Variants in ANKHD1 observed in about 807,000 individuals in gnomAD.
ANKHD1 encodes ankyrin repeat and KH domain-containing protein 1.
Under a neutral mutation model 230.5 loss-of-function variants are expected in ANKHD1, and 31 were observed. The observed-to-expected ratio is 0.13, with a 90% CI of 0.10 to 0.18. The LOEUF (loss-of-function observed/expected upper bound fraction) is 0.18. ANKHD1 is among the 10% of genes least tolerant of loss of function. ANKHD1 has a pLI of 1.00. For synonymous variants in ANKHD1, 1,074 were observed against 1,117.6 expected (o/e 0.96, Z 0.78); for missense variants, 2,256 against 3,071.3 (o/e 0.73, Z 6.27).
At chr5:140,402,496 G>C (rs1332108357) in intron 1 of ANKHD1, among the ~76,000 whole-genome samples, 1 of 152,188 alleles carries the variant, frequency 6.6e-6, no homozygotes, top group Non-Finnish European at 1.5e-5. Context: ...CCACAATAGG[G>C]AGTCCTTTGG....
At chr5:140,455,295 G>C (rs183493792) in intron 7 of ANKHD1, among the ~76,000 whole-genome samples, 1 of 152,148 alleles carries the variant, frequency 6.6e-6, no homozygotes, top group South Asian at 2.1e-4. Flanking sequence ...ACAAGGAGGA[G>C]TTGGTACCAT....
intron 1 of ANKHD1, among the ~76,000 whole-genome samples, chr5:140,419,820 T>TTC (rs1008194493): frequency 7.3e-5 from 9 of 123,814 alleles, no homozygotes; most frequent in Non-Finnish European, 1.1e-4. Flanking sequence ...CTTTCTTTCT[T>TTC]TCTTTCTTTC....
At chr5:140,407,815 AGAAT>A (rs1472241204) in intron 1 of ANKHD1, among the ~76,000 whole-genome samples, 1 of 152,194 alleles carries the variant, frequency 6.6e-6, no homozygotes, top group Non-Finnish European at 1.5e-5. Context: ...TTTTGTCGTA[AGAAT>A]GAATGTGTGT....
chr5:140,413,318 T>G (rs1016763068), intron 1 of ANKHD1, among the ~76,000 whole-genome samples: 3 of 152,204 alleles, frequency 2.0e-5, no homozygotes, highest in African/African-American at 7.2e-5. Context: ...AATATGTATA[T>G]ATAACATAAA....
At chr5:140,510,318 T>C in intron 22 of ANKHD1, 137 bp downstream of exon 22, 11 of 1,284,138 alleles carry the variant, frequency 8.6e-6, no homozygotes, top group South Asian at 2.0e-5. Flanking sequence ...TCTTTTTTTT[T>C]TTTTTTTTTT....
chr5:140,448,093 G>A (rs976962631), intron 6 of ANKHD1, among the ~76,000 whole-genome samples: 2 of 152,154 alleles, frequency 1.3e-5, no homozygotes, highest in Non-Finnish European at 1.5e-5. Context: ...CTAGCTACTC[G>A]GGCAGCTGAG....
Position 140,526,413 on chromosome 5 carries a change from C to T in ANKHD1, c.4910C>T (p.Thr1637Ile), listed in dbSNP as rs1259183104. 1 of 1,613,268 alleles carries T rather than the reference C, an allele frequency of 6.2e-7. No individual in the cohort carries two copies. The highest frequency in any genetic ancestry group is 8.5e-7 in the Non-Finnish European group (1 of 1,179,652). The change falls in exon 26 of 34, where the codon ACA (threonine) becomes ATA (isoleucine). Residue 1637 changes from threonine (T) to isoleucine (I), a missense_variant. Thr to Ile is a moderately conservative substitution (Grantham distance 89). Coordinates refer to ENST00000360839, the MANE Select transcript of ANKHD1 (RefSeq NM_017747.3). The stretch of plus-strand genomic sequence containing the variant: ...CTCCTTCATTCCCAAGAAGAAAAGA[C>T]AAGTACTGCTACTTCCAAAACTCAG... ...SLLLHSQEEK[T>I]STATSKTQTR...
intron 9 of ANKHD1, among the ~76,000 whole-genome samples, chr5:140,463,709 G>A (rs1346134233): frequency 2.0e-5 from 3 of 152,086 alleles, no homozygotes; most frequent in Admixed American, 1.3e-4. Context: ...AGACTGGAGT[G>A]GAGTGGCATG....
chr5:140,495,872 G>GT (rs559176115), intron 14 of ANKHD1, among the ~76,000 whole-genome samples: 85 of 152,228 alleles, frequency 5.6e-4, no homozygotes, highest in African/African-American at 2.0e-3. Flanking sequence ...CCTTTGCATA[G>GT]TAAGTTTAAC....
In ANKHD1 at chr5:140,538,235, G is replaced by T; in HGVS notation, c.7378G>T (p.Ala2460Ser). The T allele has an allele frequency of 1.2e-6, 2 of 1,613,068 alleles. No homozygotes were observed. The highest frequency in any genetic ancestry group is 1.7e-6 in the Non-Finnish European group (2 of 1,179,706). The change falls in exon 32 of 34, where the codon GCA becomes TCA. Residue 2460 changes from alanine (A) to serine (S), a missense_variant. By Grantham distance (99) the Ala-to-Ser change is moderately conservative. Around this residue, in one of 13 missense-constraint regions of ANKHD1, gnomAD observed 778 missense variants for 966.5 expected, o/e 0.80. Transcript: ENST00000360839. ...CTCTAACATTTTTCATCAGCCTATG[G>T]CAAGTGGTTTTGTGGATTTTTCTAA... ...APSNIFHQPM[A>S]SGFVDFSKGL...
In ANKHD1 at chr5:140,439,722, GA is replaced by G. The variant is rs201374052; in HGVS notation, c.618-386del. Reference sequence around the variant, plus strand: ...ACTAATGATAGCTGATGAGCGAAAAGAAAAAAAAAAATTGCAAAAAAATTTC... The same window carrying G: ...ACTAATGATAGCTGATGAGCGAAAAGAAAAAAAAAATTGCAAAAAAATTTC... On this transcript the variant is annotated intron_variant, in intron 3 of 33. Transcript: ENST00000360839. Among the ~76,000 whole-genome samples, 1,516 of 144,312 alleles carry G rather than the reference GA, an allele frequency of 0.011. 31 individuals are homozygous for G. The East Asian group carries it at 0.11, about 11-fold the overall frequency. 94.7% of individuals were successfully genotyped at this position (144,312 alleles called of 152,430 possible).
At chr5:140,503,714 C>T (rs753705385) in intron 15 of ANKHD1, among the ~76,000 whole-genome samples, 15 of 150,662 alleles carry the variant, frequency 1.0e-4, no homozygotes, top group Admixed American at 4.6e-4. Context: ...CTTACAGGCG[C>T]GTTCCACCAC....
intron 14 of ANKHD1, among the ~76,000 whole-genome samples, chr5:140,488,219 T>C (rs1348071418): frequency 6.6e-6 from 1 of 152,138 alleles, no homozygotes; most frequent in Admixed American, 6.5e-5. Flanking sequence ...ATTGTTTTCT[T>C]TGGGGGGGAG....
At position 140,539,347 on chromosome 5, in the gene ANKHD1, C is replaced by T. The variant is rs529524557; in HGVS notation, c.7570-12C>T. On this transcript the variant is annotated splice_polypyrimidine_tract_variant and intron_variant, in intron 33 of 33. Coordinates refer to ENST00000360839, the MANE Select transcript of ANKHD1 (RefSeq NM_017747.3). Reference sequence around the variant, plus strand: ...CTAATTAGAAATTCCAATTTTTCCTCCCCCTTTTCAGATTTGGCCTGGCAC... The same window carrying T: ...CTAATTAGAAATTCCAATTTTTCCTTCCCCTTTTCAGATTTGGCCTGGCAC... The T allele has an allele frequency of 1.2e-6, 2 of 1,612,560 alleles. No individual in the cohort carries two copies. Among genetic ancestry groups the T allele is most frequent in the East Asian group, 2.2e-5 (1 of 44,868 alleles).
chr5:140,413,563 A>G (rs907438469), intron 1 of ANKHD1, among the ~76,000 whole-genome samples: 2 of 151,988 alleles, frequency 1.3e-5, no homozygotes, highest in Non-Finnish European at 2.9e-5. Context: ...GAATTTTACT[A>G]CTTATATAAT....
Position 140,458,947 on chromosome 5 carries a change from T to C in ANKHD1, c.1480+85T>C, listed in dbSNP as rs1213335343. 2.0e-4 allele frequency: 5 copies of C among 24,630 alleles called. 1 individual carries two copies. In the South Asian group the frequency reaches 0.014, roughly 68 times the overall value. The allele number at this position is 24,630 out of a possible 1,614,324, so 1.5% of individuals were successfully genotyped here. On this transcript the variant is annotated intron_variant, in intron 8 of 33. Coordinates refer to ENST00000360839, the MANE Select transcript of ANKHD1 (RefSeq NM_017747.3). ...CTGGTGAAGTTTACTACAGCTAGCA[T>C]ATATATATATATATATATATATATA...
At chr5:140,496,454 T>C (rs1192851598) in intron 14 of ANKHD1, 66 bp from the exon 15 acceptor site, 3 of 1,126,798 alleles carry the variant, frequency 2.7e-6, no homozygotes, top group South Asian at 2.4e-5. Context: ...TTTTTTTTTT[T>C]TCTTTTCTTT....
intron 10 of ANKHD1, among the ~76,000 whole-genome samples, chr5:140,469,807 A>AAT (rs964355754): frequency 4.7e-4 from 71 of 150,858 alleles, no homozygotes; most frequent in Admixed American, 8.6e-4. Flanking sequence ...TAGTTATTTA[A>AAT]ATATATATAT....
chr5:140,439,980 G>A (rs1773736252), intron 3 of ANKHD1, 139 bp from the exon 4 acceptor site: 1 of 1,093,024 alleles, frequency 9.1e-7, no homozygotes, highest in East Asian at 3.2e-5. Context: ...AAAATGCTCA[G>A]CAAGTAATAT....
Sources: gnomAD v4.1 joint callset for allele counts (sites outside exome capture counted in the v4.1 genomes callset) on GRCh38, gnomAD v4.1.1 for gene constraint, gnomAD v4.1.1 regional missense constraint, MANE v1.5 for transcripts, NCBI Gene and HGNC (gene_info 2026-07-23, HGNC 2026-07-21) for gene names.